Variants in MR1 observed in about 807,000 individuals in gnomAD.
MR1 encodes major histocompatibility complex, class I-related, also known as major histocompatibility complex class I-related protein 1.
A neutral mutation model predicts 37.8 loss-of-function variants in MR1; 44 were observed. That is an observed-to-expected ratio of 1.16 (90% CI 0.91 to 1.50). MR1 has a LOEUF of 1.50. MR1 is among the 40% of genes most tolerant of loss of function. MR1 has a pLI of 0.00. For missense variants in MR1, 386 were observed against 419.1 expected, an observed-to-expected ratio of 0.92 and a Z score of 0.69; for synonymous variants, 153 against 155.8, an observed-to-expected ratio of 0.98 and a Z score of 0.13.
intron 1 of MR1, among the ~76,000 whole-genome samples, chr1:181,041,081 CAATAAAT>C (rs1657527618): frequency 1.4e-5 from 2 of 146,586 alleles, no homozygotes; most frequent in Non-Finnish European, 3.0e-5. Flanking sequence ...GACTCTGTCT[CAATAAAT>C]AAATAAATAA....
chr1:181,034,865 G>C (rs532290301), intron 1 of MR1, among the ~76,000 whole-genome samples: 5 of 152,286 alleles, frequency 3.3e-5, no homozygotes, highest in African/African-American at 1.2e-4. Context: ...GGCGAGGGGG[G>C]TGGATGATTA....
At chr1:181,037,156 C>A (rs1464673938) in intron 1 of MR1, 1 of 152,184 alleles carries the variant, frequency 6.6e-6, no homozygotes, top group Non-Finnish European at 1.5e-5. Context: ...CTGTATAAAT[C>A]TGCTATATCA....
At chr1:181,033,949 G>C (rs1030042336), upstream of MR1, 61 of 1,477,100 alleles carry the variant, frequency 4.1e-5, no homozygotes, top group Non-Finnish European at 5.1e-5. Flanking sequence ...GTGTCACCAA[G>C]AGGTTCTCAG....
At position 181,033,987 on chromosome 1, in the gene MR1, G is replaced by T; in HGVS notation, c.-21G>T. ...GGGACCTGTCAGTTTTTGGTTAAAA[G>T]AACCCGGAAAGAGAAGGACTATGGG... On this transcript the variant is annotated 5_prime_UTR_variant, in exon 1 of 6. Transcript: ENST00000367580. 1 of 1,601,038 alleles carries T rather than the reference G, an allele frequency of 6.2e-7. No individual in the cohort carries two copies. Among genetic ancestry groups the T allele is most frequent in the Non-Finnish European group, 8.5e-7 (1 of 1,176,042 alleles).
chr1:181,053,485 C>T (rs1658435296), intron 4 of MR1, 88 bp from the exon 5 acceptor site: 1 of 939,398 alleles, frequency 1.1e-6, no homozygotes, highest in South Asian at 1.4e-5. Flanking sequence ...TGTTGGGTTT[C>T]CTGATGATCA....
In MR1 at chr1:181,052,426, A is replaced by G. The variant is rs186300848; in HGVS notation, c.796A>G (p.Ile266Val). 2.6e-5 allele frequency: 42 copies of G among 1,614,234 alleles called. No individual in the cohort carries two copies. The South Asian group carries it at 2.7e-4, about 11-fold the overall frequency. The change falls in exon 4 of 6, where the codon ATT becomes GTT. Residue 266 changes from isoleucine (I) to valine (V), a missense_variant. Ile to Val is a conservative substitution (Grantham distance 29). Transcript: ENST00000367580. ...GDGTYQAWAS[I>V]ELDPQSSNLY... ...TGGAACCTATCAGGCGTGGGCATCA[A>G]TTGAGCTTGATCCTCAGAGCAGCAA... is the stretch of plus-strand genomic sequence containing the variant.
rs377046093 is a variant in MR1 at position 181,049,401 on chromosome 1, T to C, written c.328+89T>C. 63 of 1,449,254 alleles carry C rather than the reference T, an allele frequency of 4.3e-5. No homozygotes were observed. The African/African-American group carries it at 7.7e-4, about 18-fold the overall frequency. 89.8% of individuals were successfully genotyped at this position (1,449,254 alleles called of 1,614,324 possible). On this transcript the variant is annotated intron_variant, in intron 2 of 5. Transcript: ENST00000367580. ...TGGCCTCCAATAAGCGGATGCTGAATTGCACCTGCTGTAGCTTTGGCAAAG... is the reference window on the plus strand; with the variant it reads ...TGGCCTCCAATAAGCGGATGCTGAACTGCACCTGCTGTAGCTTTGGCAAAG...
intron 5 of MR1, 131 bp downstream of exon 5, chr1:181,053,808 C>A: frequency 1.5e-6 from 1 of 653,988 alleles, no homozygotes; most frequent in Admixed American, 2.7e-5. Flanking sequence ...CACAGAAGGA[C>A]CTGGGACAAC....
chr1:181,049,220 A>T lies in MR1; in HGVS notation c.236A>T (p.Asp79Val), dbSNP rs139058145. 1.2e-3 allele frequency: 1,972 copies of T among 1,614,184 alleles called. No homozygotes were observed. Among genetic ancestry groups the T allele is most frequent in the Non-Finnish European group, 1.4e-3 (1,691 of 1,180,022 alleles). The change falls in exon 2 of 6, where the codon GAT (aspartate) becomes GTT (valine). Residue 79 changes from aspartate (D) to valine (V), a missense_variant. Asp to Val is a radical substitution (Grantham distance 152). Coordinates refer to ENST00000367580, the MANE Select transcript of MR1 (RefSeq NM_001385161.1). ...APWMAENLAP[D>V]HWERYTQLLR... ...TGGATGGCAGAGAACCTCGCGCCTG[A>T]TCACTGGGAGAGGTACACTCAGCTG...
At position 181,050,061 on chromosome 1, in the gene MR1, A is replaced by G. The variant is rs188076048; in HGVS notation, c.379A>G (p.Ser127Gly). The G allele has an allele frequency of 1.2e-6, 2 of 1,613,674 alleles. No homozygotes were observed. The highest frequency in any genetic ancestry group is 1.7e-6 in the Non-Finnish European group (2 of 1,180,044). ...MIGCELLEDG[S>G]TTGFLQYAYD... ...TGGCTGTGAGCTGCTGGAGGATGGA[A>G]GCACCACAGGATTTCTGCAGTATGC... Residue 127 changes from serine to glycine, a missense_variant, in exon 3 of 6, where the codon AGC becomes GGC. Ser to Gly is a moderately conservative substitution (Grantham distance 56, BLOSUM62 0). Coordinates refer to ENST00000367580, the MANE Select transcript of MR1 (RefSeq NM_001385161.1).
At chr1:181,038,688 G>C (rs1657401224) in intron 1 of MR1, among the ~76,000 whole-genome samples, 1 of 152,242 alleles carries the variant, frequency 6.6e-6, no homozygotes, top group Non-Finnish European at 1.5e-5. Context: ...ACTAGGGAGG[G>C]TTGGGTAGTC....
chr1:181,050,021 T>A lies in MR1; in HGVS notation c.339T>A (p.Thr113=). ...CTGTGTGTGTTCCAGGGTCTCACAC[T>A]TACCAGAGAATGATTGGCTGTGAGC... ...QRHYNHSGSH[T]YQRMIGCELL... is the part of the protein sequence containing the mutation. The change falls in exon 3 of 6, where the codon ACT becomes ACA. Residue 113 remains threonine, a synonymous_variant. Transcript: ENST00000367580. 1 of 1,612,558 alleles carries A rather than the reference T, an allele frequency of 6.2e-7. No homozygotes were observed.
At chr1:181,037,786 G>A (rs1489926420) in intron 1 of MR1, among the ~76,000 whole-genome samples, 7 of 152,084 alleles carry the variant, frequency 4.6e-5, no homozygotes, top group African/African-American at 1.4e-4. Context: ...GGATTTTCTG[G>A]GAAACATAAG....
intron 1 of MR1, among the ~76,000 whole-genome samples, chr1:181,046,543 T>A (rs1282484326): frequency 6.6e-6 from 1 of 152,104 alleles, no homozygotes. Context: ...AGCTGAGGGA[T>A]GGTAAACGCA....
upstream of MR1, chr1:181,033,839 C>T (rs1657130815): frequency 3.4e-5 from 19 of 562,364 alleles, no homozygotes; most frequent in South Asian, 5.1e-4. Context: ...TTAAAAGTTA[C>T]CGAAGAAGGT....
chr1:181,045,869 C>T (rs971343327), intron 1 of MR1, among the ~76,000 whole-genome samples: 5 of 152,348 alleles, frequency 3.3e-5, no homozygotes, highest in Non-Finnish European at 4.4e-5. Context: ...CTGCGGGCGG[C>T]GCTTGCGGGC....
intron 3 of MR1, among the ~76,000 whole-genome samples, chr1:181,051,528 C>T (rs1043852265): frequency 1.3e-5 from 2 of 152,012 alleles, no homozygotes; most frequent in African/African-American, 4.8e-5. Context: ...GCAGTCCCCC[C>T]CAGATAGTGC....
In MR1 at chr1:181,061,338, C is replaced by T. The variant is rs111321525; in HGVS notation, c.*6073C>T. On this transcript the variant is annotated 3_prime_UTR_variant, in exon 6 of 6. Coordinates refer to ENST00000367580, the MANE Select transcript of MR1 (RefSeq NM_001385161.1). ...GGACGCCAGCCCAGGCCAGGTCACCCGGCTTGGCCAGCAGAACACAGAGTA... is the reference window on the plus strand; with the variant it reads ...GGACGCCAGCCCAGGCCAGGTCACCTGGCTTGGCCAGCAGAACACAGAGTA... The T allele has an allele frequency of 2.6e-5, 4 of 152,334 alleles. No individual in the cohort carries two copies. Among genetic ancestry groups the T allele is most frequent in the East Asian group, 1.9e-4 (1 of 5,188 alleles). 9.4% of individuals were successfully genotyped at this position (152,334 alleles called of 1,614,324 possible).
chr1:181,046,061 T>C (rs1273687836), intron 1 of MR1, among the ~76,000 whole-genome samples: 1 of 152,206 alleles, frequency 6.6e-6, no homozygotes, highest in Non-Finnish European at 1.5e-5. Context: ...CTTAGCTGCC[T>C]TCCTGCGGGG....
Sources: gnomAD v4.1 joint callset for allele counts (sites outside exome capture counted in the v4.1 genomes callset) on GRCh38, gnomAD v4.1.1 for gene constraint, MANE v1.5 for transcripts, NCBI Gene and HGNC (gene_info 2026-07-23, HGNC 2026-07-21) for gene names.